The following SORCS3 variants were observed in gnomAD, a reference collection of about 807,000 sequenced individuals.
SORCS3 encodes VPS10 domain-containing receptor SorCS3.
SORCS3 carries 57 observed loss-of-function variants against 146.3 expected under a neutral mutation model. That is an observed-to-expected ratio of 0.39 (90% confidence interval 0.31 to 0.49). The LOEUF is 0.49. SORCS3 is among the 20% of genes least tolerant of loss of function. The probability of loss-of-function intolerance (pLI) is 0.92; values close to 1 mark genes in which losing one functional copy is unlikely to be tolerated. For synonymous variants in SORCS3, 653 were observed against 618.5 expected, an observed-to-expected ratio of 1.06 and a Z score of -0.83; for missense variants, 1,341 against 1,575.5, an observed-to-expected ratio of 0.85 and a Z score of 2.52.
chr10:105,234,548 C>CTT (rs80043319), intron 20 of SORCS3, among the ~76,000 whole-genome samples: 23 of 138,092 alleles, frequency 1.7e-4, no homozygotes, highest in South Asian at 2.3e-4. Context: ...TATTCTTTTC[C>CTT]TTTTTTTTTT....
chr10:104,732,334 A>C (rs971063140), intron 1 of SORCS3, among the ~76,000 whole-genome samples: 1 of 152,220 alleles, frequency 6.6e-6, no homozygotes, highest in African/African-American at 2.4e-5. Context: ...AAACAGAAGC[A>C]TGAGGTCAGG....
Position 104,977,334 on chromosome 10 carries a change from G to T in SORCS3, c.796-1G>T. ...TATATGTCCCTCTATCCTTTCTTTA[G>T]ATTATGCTTCTCAGTGATCCTGAGA... On this transcript the variant is annotated splice_acceptor_variant, in intron 3 of 26. Transcript: ENST00000369701. LOFTEE classifies it high-confidence loss of function. The T allele has an allele frequency of 6.2e-7, 1 of 1,609,438 alleles. No homozygotes were observed. The highest frequency in any genetic ancestry group is 8.5e-7 in the Non-Finnish European group (1 of 1,178,182).
intron 11 of SORCS3, among the ~76,000 whole-genome samples, chr10:105,164,019 G>T (rs1055845976): frequency 1.3e-5 from 2 of 152,118 alleles, no homozygotes; most frequent in African/African-American, 4.8e-5. Flanking sequence ...CAATGTGAGA[G>T]ATTATTGGTA....
chr10:104,987,960 C>T (rs1589580987), intron 4 of SORCS3, among the ~76,000 whole-genome samples: 1 of 152,134 alleles, frequency 6.6e-6, no homozygotes, highest in Admixed American at 6.5e-5. Context: ...CAGAGTTGGA[C>T]GTATAGCTGC....
At chr10:104,723,009 G>A (rs1219009821) in intron 1 of SORCS3, among the ~76,000 whole-genome samples, 1 of 151,826 alleles carries the variant, frequency 6.6e-6, no homozygotes, top group Admixed American at 6.6e-5. Flanking sequence ...GTTATTTCTT[G>A]CCTTCTGCTA....
intron 23 of SORCS3, among the ~76,000 whole-genome samples, chr10:105,254,292 C>A (rs150384213): frequency 4.6e-5 from 7 of 152,274 alleles, no homozygotes; most frequent in African/African-American, 1.7e-4. Flanking sequence ...GATTACAGAG[C>A]TAATGATGGG....
intron 3 of SORCS3, among the ~76,000 whole-genome samples, chr10:104,956,766 A>G (rs188431429): frequency 6.6e-6 from 1 of 152,314 alleles, no homozygotes; most frequent in East Asian, 1.9e-4. Flanking sequence ...TGAGGGAATG[A>G]TTGACCACGT....
At position 104,743,741 on chromosome 10, in the gene SORCS3, C is replaced by T. The variant is rs1276660055; in HGVS notation, c.628-99051C>T. On this transcript the variant is annotated intron_variant, in intron 1 of 26. Transcript: ENST00000369701. The stretch of plus-strand genomic sequence containing the variant: ...CCCCTAAGCCCCCTGTGAACCTGTA[C>T]GTGCTGCTGTGAGATACTAGGCTGG... 2.0e-5 allele frequency among the ~76,000 whole-genome samples: 3 copies of T among 152,186 alleles called. No individual in the cohort carries two copies. In the East Asian group the frequency reaches 5.8e-4, roughly 30 times the overall value.
intron 2 of SORCS3, among the ~76,000 whole-genome samples, chr10:104,882,330 T>C (rs1385293527): frequency 6.6e-6 from 1 of 152,186 alleles, no homozygotes; most frequent in Non-Finnish European, 1.5e-5. Flanking sequence ...TGATCAAAAG[T>C]GTGACTATTT....
intron 1 of SORCS3, among the ~76,000 whole-genome samples, chr10:104,726,974 C>G (rs116729379): frequency 0.011 from 1,685 of 152,302 alleles, 24 homozygotes; most frequent in African/African-American, 0.038. Flanking sequence ...CTGCTGAATT[C>G]CCTGTTGGGC....
At position 105,262,370 on chromosome 10, in the gene SORCS3, C is replaced by T. The variant is rs768149623; in HGVS notation, c.3483C>T (p.His1161=). ...TTAACATCTATGCTCAAGTCCAACA[C>T]GACAAGGAGCAGGAGATGATTGGGT... ...PWINIYAQVQ[H]DKEQEMIGSV... is the part of the protein sequence containing the mutation. The change falls in exon 26 of 27, where the codon CAC becomes CAT. Residue 1161 remains histidine, a synonymous_variant. Coordinates refer to ENST00000369701, the MANE Select transcript of SORCS3 (RefSeq NM_014978.3). 4.8e-5 allele frequency: 77 copies of T among 1,613,802 alleles called. 1 individual carries two copies. Among genetic ancestry groups the T allele is most frequent in the South Asian group, 2.4e-4 (22 of 91,072 alleles).
intron 4 of SORCS3, among the ~76,000 whole-genome samples, chr10:105,015,921 G>T (rs2055162712): frequency 6.6e-6 from 1 of 150,852 alleles, no homozygotes; most frequent in South Asian, 2.1e-4. Context: ...GTAGAGATGG[G>T]GTTTCGCCAT....
At chr10:104,870,118 A>G (rs2018503595) in intron 2 of SORCS3, among the ~76,000 whole-genome samples, 2 of 152,258 alleles carry the variant, frequency 1.3e-5, no homozygotes, top group Admixed American at 6.5e-5. Flanking sequence ...GATGCATATT[A>G]TAAATGTCAA....
chr10:105,060,521 T>C (rs1190243412), intron 5 of SORCS3, among the ~76,000 whole-genome samples: 1 of 151,922 alleles, frequency 6.6e-6, no homozygotes, highest in Non-Finnish European at 1.5e-5. Context: ...GAAGGGCAAA[T>C]TACACAAGGA....
At chr10:104,797,282 A>G (rs931875372) in intron 1 of SORCS3, among the ~76,000 whole-genome samples, 3 of 152,360 alleles carry the variant, frequency 2.0e-5, no homozygotes, top group Admixed American at 1.3e-4. Context: ...GTGACTAATG[A>G]TAGTACTTGA....
rs115915613 is a variant in SORCS3 at position 105,075,904 on chromosome 10, C to T, written c.1029-13871C>T. On this transcript the variant is annotated intron_variant, in intron 5 of 26. Transcript: ENST00000369701. ...AAACTACACAGCTGGTCAGTATGAA[C>T]GTGGTCAGAATCAAGGTCTTTATAC... Among the ~76,000 whole-genome samples the T allele has an allele frequency of 6.7e-3, 1,017 of 152,278 alleles. 12 individuals carry two copies. Among genetic ancestry groups the T allele is most frequent in the African/African-American group, 0.023 (937 of 41,554 alleles).
intron 14 of SORCS3, among the ~76,000 whole-genome samples, chr10:105,187,680 T>C (rs1408166043): frequency 1.3e-5 from 2 of 152,214 alleles, no homozygotes; most frequent in South Asian, 2.1e-4. Context: ...TGAACTCTTA[T>C]AGGAACACTT....
chr10:105,145,156 G>C (rs1022097717), intron 8 of SORCS3, among the ~76,000 whole-genome samples: 10 of 151,930 alleles, frequency 6.6e-5, no homozygotes, highest in African/African-American at 2.4e-4. Flanking sequence ...TATTAAGATT[G>C]ATAGGTCATT....
intron 4 of SORCS3, among the ~76,000 whole-genome samples, chr10:105,024,306 TTTG>T (rs1442737112): frequency 1.3e-5 from 2 of 152,150 alleles, no homozygotes; most frequent in African/African-American, 4.8e-5. Flanking sequence ...CACTCTTTTT[TTTG>T]TTGTTGTTTG....
Sources: allele counts gnomAD v4.1 joint callset (sites outside exome capture counted in the v4.1 genomes callset), GRCh38; gene constraint gnomAD v4.1.1; transcripts MANE v1.5; gene names NCBI Gene and HGNC (gene_info 2026-07-23, HGNC 2026-07-21).